Variants in NRG1 observed in about 807,000 individuals in gnomAD.
NRG1 encodes the protein pro-neuregulin-1, membrane-bound isoform.
In NRG1, 18 loss-of-function variants were observed where a neutral mutation model predicts 63.8. The observed-to-expected ratio is 0.28, with a 90% CI of 0.19 to 0.42. The LOEUF (loss-of-function observed/expected upper bound fraction) is 0.42, where lower values mean the gene tolerates loss of function less well. NRG1 is among the 10% of genes least tolerant of loss of function. NRG1 has a pLI of 1.00. For synonymous variants in NRG1, 302 were observed against 301.3 expected (o/e 1.00, Z -0.02); for missense variants, 762 against 814.7 (o/e 0.94, Z 0.79).
At chr8:32,289,160 C>T (rs1259325462) in intron 1 of NRG1, among the ~76,000 whole-genome samples, 1 of 152,156 alleles carries the variant, frequency 6.6e-6, no homozygotes, top group Non-Finnish European at 1.5e-5. Context: ...TCGTCAATGA[C>T]TCCTTAAAAG....
At chr8:32,769,555 A>G (rs1209932517), downstream of NRG1, among the ~76,000 whole-genome samples, 1 of 152,196 alleles carries the variant, frequency 6.6e-6, no homozygotes, top group Non-Finnish European at 1.5e-5. Context: ...CTGGAGACTC[A>G]AGATGCTGGA....
intron 1 of NRG1, among the ~76,000 whole-genome samples, chr8:31,744,036 C>A (rs1227844557): frequency 6.6e-6 from 1 of 151,924 alleles, no homozygotes; most frequent in East Asian, 1.9e-4. Flanking sequence ...AGATTTTTTT[C>A]TGAGATGCCT....
intron 1 of NRG1, among the ~76,000 whole-genome samples, chr8:31,916,165 A>C (rs1585724848): frequency 6.6e-6 from 1 of 152,140 alleles, no homozygotes; most frequent in Non-Finnish European, 1.5e-5. Context: ...TCCCATGGAA[A>C]ATTATATAAT....
intron 1 of NRG1, among the ~76,000 whole-genome samples, chr8:31,659,758 C>G (rs1258728569): frequency 1.3e-5 from 2 of 152,160 alleles, no homozygotes; most frequent in Non-Finnish European, 2.9e-5. Context: ...CTCTGTGGAA[C>G]CAGGCTGAGA....
chr8:32,539,775 T>G (rs756446911), intron 1 of NRG1, among the ~76,000 whole-genome samples: 3 of 151,834 alleles, frequency 2.0e-5, no homozygotes, highest in Non-Finnish European at 4.4e-5. Context: ...GGCCAGCATT[T>G]AAGAGAAAGT....
chr8:32,605,564 A>C (rs1203746025), exon 3 of NRG1: 8 of 1,613,078 alleles, frequency 5.0e-6, no homozygotes, highest in Non-Finnish European at 5.9e-6. Flanking sequence ...TCTTATAGGA[A>C]GTCAGAACTT....
At chr8:31,840,769 T>C (rs1826125489) in intron 1 of NRG1, among the ~76,000 whole-genome samples, 1 of 152,180 alleles carries the variant, frequency 6.6e-6, no homozygotes. Flanking sequence ...CTGGTATATG[T>C]AGAGCAACTG....
At chr8:31,928,454 C>T (rs1370885601) in intron 1 of NRG1, among the ~76,000 whole-genome samples, 2 of 146,206 alleles carry the variant, frequency 1.4e-5, no homozygotes, top group African/African-American at 5.1e-5. Context: ...TCTCAAAGAA[C>T]TAAAGACAGA....
At chr8:32,372,603 G>C (rs1809051004) in intron 1 of NRG1, among the ~76,000 whole-genome samples, 1 of 152,100 alleles carries the variant, frequency 6.6e-6, no homozygotes, top group African/African-American at 2.4e-5. Context: ...GATGATGAAG[G>C]CAATGGACAC....
In NRG1 at chr8:32,285,400, A is replaced by T. The variant is rs561078985; in HGVS notation, c.38-310428A>T. ...CACAGTCACAAACTAAAAATCTCAG[A>T]CAAGTCAAAAGCATACAATTACAGG... On this transcript the variant is annotated intron_variant, in intron 1 of 10. Coordinates refer to the NRG1 transcript ENST00000519301. Among the ~76,000 whole-genome samples the T allele has an allele frequency of 3.9e-5, 6 of 152,284 alleles. No individual in the cohort carries two copies. In the East Asian group the frequency reaches 1.2e-3, roughly 29 times the overall value.
chr8:32,701,118 C>T (rs79978764), intron 5 of NRG1, among the ~76,000 whole-genome samples: 2,733 of 152,302 alleles, frequency 0.018, 48 homozygotes, highest in Non-Finnish European at 0.023. Context: ...TTCATGTTCT[C>T]AGAGCACCCT....
At chr8:32,495,193 C>A (rs1024047441) in intron 1 of NRG1, among the ~76,000 whole-genome samples, 2 of 152,132 alleles carry the variant, frequency 1.3e-5, no homozygotes, top group Non-Finnish European at 2.9e-5. Context: ...ATAATTCGCA[C>A]GTCATGGGAG....
At chr8:31,883,759 T>G (rs1219281662) in intron 1 of NRG1, among the ~76,000 whole-genome samples, 2 of 152,204 alleles carry the variant, frequency 1.3e-5, no homozygotes, top group African/African-American at 4.8e-5. Context: ...AAATTCCCAT[T>G]TTCCTCTGAC....
At chr8:31,974,113 A>G (rs1271637505) in intron 1 of NRG1, among the ~76,000 whole-genome samples, 1 of 152,176 alleles carries the variant, frequency 6.6e-6, no homozygotes, top group Non-Finnish European at 1.5e-5. Context: ...ACGTTATATG[A>G]GTCTTCATGT....
chr8:32,552,865 C>G (rs964346565), intron 1 of NRG1, among the ~76,000 whole-genome samples: 15 of 152,150 alleles, frequency 9.9e-5, no homozygotes, highest in African/African-American at 3.4e-4. Flanking sequence ...ATTAGACAAA[C>G]ATGAACACTG....
chr8:32,256,122 A>G (rs1180340009), intron 1 of NRG1, among the ~76,000 whole-genome samples: 1 of 151,878 alleles, frequency 6.6e-6, no homozygotes, highest in Non-Finnish European at 1.5e-5. Context: ...CCTTTTTTCA[A>G]GTTTCTTACC....
chr8:32,182,205 A>C (rs1250857188), intron 1 of NRG1, among the ~76,000 whole-genome samples: 1 of 152,158 alleles, frequency 6.6e-6, no homozygotes, highest in African/African-American at 2.4e-5. Context: ...GAAAGGAAAA[A>C]ACACAGAGAG....
At chr8:31,781,138 C>G (rs1203916098) in intron 1 of NRG1, among the ~76,000 whole-genome samples, 3 of 151,970 alleles carry the variant, frequency 2.0e-5, no homozygotes, top group Non-Finnish European at 4.4e-5. Flanking sequence ...TTGGGAGGCT[C>G]AATCAGCCCA....
At chr8:32,141,924 A>G (rs1298889305) in intron 1 of NRG1, among the ~76,000 whole-genome samples, 1 of 152,044 alleles carries the variant, frequency 6.6e-6, no homozygotes, top group African/African-American at 2.4e-5. Context: ...CTGTTCAGGA[A>G]AGTTCCCACT....
Sources: gnomAD v4.1 joint callset for allele counts (sites outside exome capture counted in the v4.1 genomes callset) on GRCh38, gnomAD v4.1.1 for gene constraint, MANE v1.5 for transcripts, NCBI Gene and HGNC (gene_info 2026-07-23, HGNC 2026-07-21) for gene names.